The following GPR89B variants were observed in gnomAD, a reference collection of about 807,000 sequenced individuals.
The protein encoded by GPR89B is G protein-coupled receptor 89B.
In GPR89B, 25 loss-of-function variants were observed where a neutral mutation model predicts 52.4. That is an observed-to-expected ratio of 0.48 (90% CI 0.35 to 0.67). The LOEUF is 0.67. Among genes scored for constraint, GPR89B ranks in the 30% least tolerant of loss-of-function variants. The pLI, the probability that GPR89B is intolerant of heterozygous loss-of-function variation, is 0.01. For synonymous variants in GPR89B, 52 were observed against 151.2 expected (o/e 0.34, Z 4.81); for missense variants, 146 against 450.2 (o/e 0.32, Z 6.11).
At chr1:147,969,029 G>T in intron 9 of GPR89B, 66 bp downstream of exon 9, 1 of 1,330,836 alleles carries the variant, frequency 7.5e-7, no homozygotes, top group Non-Finnish European at 1.0e-6. Flanking sequence ...AAGACTAAAT[G>T]GCTTTTTAGA....
chr1:148,005,766 C>G, the GPR89B span, among the ~76,000 whole-genome samples: 2 of 152,018 alleles, frequency 1.3e-5, no homozygotes, highest in Admixed American at 6.6e-5. Flanking sequence ...TACCCTTTCC[C>G]TATGGTATAT....
rs1337252695 is a variant in GPR89B at position 147,959,563 on chromosome 1, A to G, written c.617+5161A>G. Among the ~76,000 whole-genome samples the G allele has an allele frequency of 6.2e-4, 94 of 151,986 alleles. 1 individual carries two copies. The East Asian group carries it at 0.014, about 23-fold the overall frequency. Reference sequence around the variant, plus strand: ...GCCACCACCCACCCTCCCAGCACCCACTCAAGTGTACAGATTGGTAAGAGT... The same window carrying G: ...GCCACCACCCACCCTCCCAGCACCCGCTCAAGTGTACAGATTGGTAAGAGT... On this transcript the variant is annotated intron_variant, in intron 7 of 13. Coordinates refer to ENST00000314163, the MANE Select transcript of GPR89B (RefSeq NM_016334.5).
intron 12 of GPR89B, among the ~76,000 whole-genome samples, chr1:147,989,626 C>T (rs1257013030): frequency 6.6e-6 from 1 of 152,030 alleles, no homozygotes; most frequent in East Asian, 1.9e-4. Flanking sequence ...GTTCCCCTTC[C>T]TGTGTCCAAG....
At chr1:148,015,293 A>ATCTCTCTCTCTCTC in the GPR89B span, among the ~76,000 whole-genome samples, 19 of 69,858 alleles carry the variant, frequency 2.7e-4, no homozygotes, top group East Asian at 8.8e-4. Flanking sequence ...GGATTCTAGG[A>ATCTCTCTCTCTCTC]TCTCTCTCTC....
At chr1:148,008,040 G>A in the GPR89B span, among the ~76,000 whole-genome samples, 1 of 151,460 alleles carries the variant, frequency 6.6e-6, no homozygotes, top group Non-Finnish European at 1.5e-5. Context: ...TCAGACCACA[G>A]TTGCCTGCAG....
the GPR89B span, among the ~76,000 whole-genome samples, chr1:148,007,566 A>G: frequency 2.0e-5 from 3 of 147,416 alleles, no homozygotes; most frequent in African/African-American, 5.0e-5. Flanking sequence ...TGTACAATAC[A>G]TTGTTGTTAA....
At chr1:148,002,182 C>A in the GPR89B span, among the ~76,000 whole-genome samples, 1 of 152,074 alleles carries the variant, frequency 6.6e-6, no homozygotes, top group African/African-American at 2.4e-5. Context: ...CCCAAAGCCC[C>A]TCCTCTTGGT....
intron 7 of GPR89B, among the ~76,000 whole-genome samples, chr1:147,962,882 C>T (rs1176258662): frequency 4.1e-5 from 6 of 146,022 alleles, no homozygotes; most frequent in Admixed American, 3.5e-4. Flanking sequence ...GGCAACAGAG[C>T]GAGACTCCGT....
chr1:148,004,323 A>ATT, the GPR89B span, among the ~76,000 whole-genome samples: 3,728 of 141,554 alleles, frequency 0.026, 63 homozygotes, highest in Non-Finnish European at 0.036. Flanking sequence ...CACCTGGCTA[A>ATT]TTTTTTTTTT....
chr1:147,952,447 C>T (rs1247333428), intron 5 of GPR89B, among the ~76,000 whole-genome samples: 2 of 151,402 alleles, frequency 1.3e-5, no homozygotes, highest in African/African-American at 4.9e-5. Context: ...ACCTCTAAAA[C>T]GAGTGTAGTG....
chr1:147,971,311 A>G (rs1187861084), intron 10 of GPR89B, among the ~76,000 whole-genome samples: 15 of 151,454 alleles, frequency 9.9e-5, no homozygotes, highest in Non-Finnish European at 2.1e-4. Context: ...CGCCACGCCC[A>G]GCTAACTTTT....
At chr1:147,983,531 C>T (rs1295502727) in intron 10 of GPR89B, among the ~76,000 whole-genome samples, 4 of 152,192 alleles carry the variant, frequency 2.6e-5, no homozygotes, top group African/African-American at 9.7e-5. Context: ...TGAACAGACA[C>T]TTCTCAAAAG....
intron 7 of GPR89B, among the ~76,000 whole-genome samples, chr1:147,957,190 G>C (rs1458289502): frequency 6.6e-6 from 1 of 151,434 alleles, no homozygotes; most frequent in Non-Finnish European, 1.5e-5. Context: ...CTTTTAAAAT[G>C]TGTATTTTCA....
the GPR89B span, chr1:148,009,323 G>T: frequency 8.1e-6 from 13 of 1,608,682 alleles, no homozygotes; most frequent in Middle Eastern, 2.3e-4. Context: ...GCCTCCCCCT[G>T]CTCCCCAAAA....
chr1:148,011,820 G>C, the GPR89B span: 4 of 152,162 alleles, frequency 2.6e-5, no homozygotes, highest in African/African-American at 9.7e-5. Flanking sequence ...TTTTTAATGA[G>C]AGAAAACAAA....
At chr1:147,990,146 G>C (rs1658955154) in intron 12 of GPR89B, among the ~76,000 whole-genome samples, 5 of 152,134 alleles carry the variant, frequency 3.3e-5, no homozygotes, top group Non-Finnish European at 7.3e-5. Flanking sequence ...ACTTTTTAAT[G>C]ATCACCATTC....
chr1:147,952,320 C>T (rs587773097), intron 5 of GPR89B, among the ~76,000 whole-genome samples: 24 of 151,810 alleles, frequency 1.6e-4, no homozygotes, highest in Non-Finnish European at 2.4e-4. Context: ...GTAGGATTAG[C>T]GCTTCAGAAG....
At chr1:147,947,406 G>A (rs1207054089) in intron 5 of GPR89B, among the ~76,000 whole-genome samples, 2 of 150,318 alleles carry the variant, frequency 1.3e-5, no homozygotes, top group African/African-American at 4.9e-5. Flanking sequence ...AGTACTTCTT[G>A]TGCTGTGTCT....
chr1:148,023,506 G>C, the GPR89B span, among the ~76,000 whole-genome samples: 5 of 137,700 alleles, frequency 3.6e-5, no homozygotes, highest in Non-Finnish European at 7.7e-5. Flanking sequence ...TAGGTTCTTT[G>C]AGAAATCTCC....
Sources: allele counts gnomAD v4.1 joint callset (sites outside exome capture counted in the v4.1 genomes callset), GRCh38; gene constraint gnomAD v4.1.1; transcripts MANE v1.5; gene names NCBI Gene and HGNC (gene_info 2026-07-23, HGNC 2026-07-21).